The following VAV2 variants were observed in gnomAD, a reference collection of about 807,000 sequenced individuals.
The protein encoded by VAV2 is guanine nucleotide exchange factor VAV2.
A neutral mutation model predicts 132.5 loss-of-function variants in VAV2; 67 were observed. That is an observed-to-expected ratio of 0.51 (90% confidence interval 0.42 to 0.62). The LOEUF (loss-of-function observed/expected upper bound fraction) is 0.62, where lower values mean the gene tolerates loss of function less well. Ranked by LOEUF, VAV2 falls within the 20% of genes least tolerant of loss-of-function variation. The pLI is 0.00. For missense variants in VAV2, 938 were observed against 1,153.6 expected (o/e 0.81, Z 2.71); for synonymous variants, 492 against 443.5 (o/e 1.11, Z -1.37).
At chr9:133,868,934 C>G (rs1445494030) in intron 2 of VAV2, among the ~76,000 whole-genome samples, 1 of 152,040 alleles carries the variant, frequency 6.6e-6, no homozygotes, top group Non-Finnish European at 1.5e-5. Context: ...CCAGCTACAG[C>G]CTCACTTGAG....
At chr9:133,874,785 G>A (rs961315491) in intron 2 of VAV2, among the ~76,000 whole-genome samples, 1 of 152,058 alleles carries the variant, frequency 6.6e-6, no homozygotes, top group Non-Finnish European at 1.5e-5. Flanking sequence ...GTCTACACAG[G>A]CAGATTCCCA....
At chr9:133,989,039 G>A (rs148512116) in intron 1 of VAV2, among the ~76,000 whole-genome samples, 2,315 of 151,416 alleles carry the variant, frequency 0.015, 63 homozygotes, top group African/African-American at 0.05. Flanking sequence ...GTAAAACCCC[G>A]TCTCTACTAA....
intron 2 of VAV2, among the ~76,000 whole-genome samples, chr9:133,933,566 ATGGATGGATGG>A (rs1564476906): frequency 1.4e-5 from 2 of 146,358 alleles, no homozygotes; most frequent in African/African-American, 5.1e-5. Context: ...TGGTGGATGG[ATGGATGGATGG>A]TGGATGGATG....
intron 23 of VAV2, among the ~76,000 whole-genome samples, chr9:133,776,516 C>T (rs1455258540): frequency 6.6e-6 from 1 of 152,182 alleles, no homozygotes; most frequent in Non-Finnish European, 1.5e-5. Context: ...CTGGCTACAG[C>T]CCCCCACCCT....
rs558197723 is a variant in VAV2 at position 133,896,854 on chromosome 9, G to A, written c.322-35422C>T. 2.0e-5 allele frequency among the ~76,000 whole-genome samples: 3 copies of A among 152,262 alleles called. No individual in the cohort carries two copies. The East Asian group carries it at 5.8e-4, about 29-fold the overall frequency. On this transcript the variant is annotated intron_variant, in intron 2 of 29. Transcript: ENST00000371850. ...TCACGCCTGTAATCCTAGCACTTTG[G>A]GAGGCCGAGGCGGGCGGATCACGAG...
Position 133,980,338 on chromosome 9 carries a change from G to A in VAV2, c.204+11737C>T, listed in dbSNP as rs761145256. Reference sequence around the variant, plus strand: ...CTGTCCCTCCTTCATCCATTAACCAGGGCAGAGCCGCCCCCACCTGGTGCT... The same window carrying A: ...CTGTCCCTCCTTCATCCATTAACCAAGGCAGAGCCGCCCCCACCTGGTGCT... On this transcript the variant is annotated intron_variant, in intron 1 of 29. Coordinates refer to ENST00000371850, the MANE Select transcript of VAV2 (RefSeq NM_001134398.2). Among the ~76,000 whole-genome samples the A allele has an allele frequency of 2.0e-5, 3 of 152,214 alleles. No homozygotes were observed. The East Asian group carries it at 5.8e-4, about 29-fold the overall frequency.
rs1207084486 is a variant in VAV2, at chr9:133,969,338, T to A, written c.204+22737A>T. Reference sequence around the variant, plus strand: ...GGATCTGGAATTCAGTCTGTGCCAATCAGACGTCTCTCTCCAGGGATCTGA... The same window carrying A: ...GGATCTGGAATTCAGTCTGTGCCAAACAGACGTCTCTCTCCAGGGATCTGA... On this transcript the variant is annotated intron_variant, in intron 1 of 29. Coordinates refer to ENST00000371850, the MANE Select transcript of VAV2 (RefSeq NM_001134398.2). The surrounding 1 kb of genome is among the most constrained non-coding windows in gnomAD (Gnocchi z 5.1). 6.6e-6 allele frequency among the ~76,000 whole-genome samples: 1 copy of A among 152,042 alleles called. No individual in the cohort carries two copies. Among genetic ancestry groups the A allele is most frequent in the Admixed American group, 6.5e-5 (1 of 15,270 alleles).
chr9:133,836,054 C>T (rs1836458922), intron 3 of VAV2, among the ~76,000 whole-genome samples: 1 of 152,330 alleles, frequency 6.6e-6, no homozygotes, highest in East Asian at 1.9e-4. Context: ...CCACGACATC[C>T]TCACCATCAG....
intron 2 of VAV2, among the ~76,000 whole-genome samples, chr9:133,893,814 C>T (rs566925229): frequency 3.3e-5 from 5 of 152,318 alleles, no homozygotes; most frequent in South Asian, 2.1e-4. Flanking sequence ...GTCCAACTAC[C>T]GCCCCTGAAA....
At chr9:133,787,137 C>G in intron 16 of VAV2, 109 bp downstream of exon 16, 1 of 1,283,158 alleles carries the variant, frequency 7.8e-7, no homozygotes, top group South Asian at 2.3e-5. Flanking sequence ...CCAAGAAAAC[C>G]CTGAGCCCAG....
At chr9:133,892,488 A>G (rs1339169123) in intron 2 of VAV2, among the ~76,000 whole-genome samples, 1 of 152,012 alleles carries the variant, frequency 6.6e-6, no homozygotes, top group East Asian at 1.9e-4. Context: ...AGGAGACAGA[A>G]TTAAGTCACT....
At chr9:133,931,140 A>G (rs1262454757) in intron 2 of VAV2, among the ~76,000 whole-genome samples, 7 of 152,178 alleles carry the variant, frequency 4.6e-5, no homozygotes, top group Non-Finnish European at 1.0e-4. Flanking sequence ...GAGAAGCAGC[A>G]TCAGACTTCA....
intron 9 of VAV2, among the ~76,000 whole-genome samples, chr9:133,800,833 C>T (rs1457648076): frequency 6.6e-6 from 1 of 152,244 alleles, no homozygotes; most frequent in Non-Finnish European, 1.5e-5. Context: ...CACAGCTGAG[C>T]TGGCAGCCTT....
intron 11 of VAV2, 39 bp from the exon 12 acceptor site, chr9:133,795,775 G>A (rs773300761): frequency 1.9e-6 from 3 of 1,606,666 alleles, no homozygotes; most frequent in East Asian, 4.5e-5. Flanking sequence ...TACCACTCGG[G>A]GGTTCTGGCC....
intron 2 of VAV2, among the ~76,000 whole-genome samples, chr9:133,931,016 C>T (rs1001760271): frequency 6.6e-6 from 1 of 152,222 alleles, no homozygotes; most frequent in Non-Finnish European, 1.5e-5. Flanking sequence ...AGCGGCCTAG[C>T]GATTTCCTCT....
intron 2 of VAV2, chr9:133,927,813 G>T (rs1840533150): frequency 6.6e-6 from 1 of 152,232 alleles, no homozygotes; most frequent in South Asian, 2.1e-4. Context: ...CACTGGCATG[G>T]AGATCAAGGG....
At chr9:133,913,976 C>T (rs892241516) in intron 2 of VAV2, among the ~76,000 whole-genome samples, 6 of 152,228 alleles carry the variant, frequency 3.9e-5, no homozygotes, top group Non-Finnish European at 1.5e-5. Context: ...GAAGGGGTTT[C>T]TGTTTGGTCC....
At chr9:133,859,175 C>A (rs1837501603) in intron 3 of VAV2, among the ~76,000 whole-genome samples, 1 of 152,192 alleles carries the variant, frequency 6.6e-6, no homozygotes, top group South Asian at 2.1e-4. Flanking sequence ...GACACACATG[C>A]AGGACAGATG....
At chr9:133,894,517 C>G (rs1022206642) in intron 2 of VAV2, among the ~76,000 whole-genome samples, 1 of 152,198 alleles carries the variant, frequency 6.6e-6, no homozygotes, top group Non-Finnish European at 1.5e-5. Context: ...CAGAGCTCCC[C>G]GGGTGACCCT....
Sources: gnomAD v4.1 joint callset for allele counts (sites outside exome capture counted in the v4.1 genomes callset) on GRCh38, gnomAD v4.1.1 for gene constraint, Gnocchi (gnomAD v3.1) non-coding constraint, MANE v1.5 for transcripts, NCBI Gene and HGNC (gene_info 2026-07-23, HGNC 2026-07-21) for gene names.